Variants in PCDHGB3 observed in about 807,000 individuals in gnomAD.
PCDHGB3 encodes protocadherin gamma subfamily B, 3.
A neutral mutation model predicts 59.2 loss-of-function variants in PCDHGB3; 40 were observed. That is an observed-to-expected ratio of 0.68 (90% confidence interval 0.52 to 0.88). The LOEUF is 0.88. Ranked by LOEUF, PCDHGB3 falls within the 40% of genes least tolerant of loss-of-function variation. The pLI, the probability that PCDHGB3 is intolerant of heterozygous loss-of-function variation, is 0.00. For missense variants in PCDHGB3, 1,309 were observed against 1,187.9 expected, an observed-to-expected ratio of 1.10 and a Z score of -1.50; for synonymous variants, 581 against 503.6, an observed-to-expected ratio of 1.15 and a Z score of -2.06.
chr5:141,389,398 T>A, intron 1 of PCDHGB3: 1 of 1,613,654 alleles, frequency 6.2e-7, no homozygotes. Flanking sequence ...TACGTGTCCA[T>A]AAGCGCGGAG....
intron 1 of PCDHGB3, among the ~76,000 whole-genome samples, chr5:141,473,126 A>C (rs2154571574): frequency 6.6e-6 from 1 of 152,356 alleles, no homozygotes; most frequent in South Asian, 2.1e-4. Flanking sequence ...GCTCTTTGGC[A>C]AACTATATTA....
At chr5:141,414,310 G>A in intron 1 of PCDHGB3, 1 of 1,613,722 alleles carries the variant, frequency 6.2e-7, no homozygotes, top group South Asian at 1.1e-5. Context: ...GCATGATTTA[G>A]ACTCTGAGCA....
chr5:141,453,302 T>C (rs189741118), intron 1 of PCDHGB3, among the ~76,000 whole-genome samples: 18 of 152,008 alleles, frequency 1.2e-4, no homozygotes, highest in Middle Eastern at 6.8e-3. Flanking sequence ...TTTATTTATT[T>C]ATTTATTTAT....
At chr5:141,422,724 G>T (rs560544401) in intron 1 of PCDHGB3, 3 of 1,606,016 alleles carry the variant, frequency 1.9e-6, no homozygotes, top group Admixed American at 3.3e-5. Context: ...CTGTCCAGGG[G>T]GTGCCTCTGT....
intron 1 of PCDHGB3, chr5:141,375,626 T>C (rs1370159999): frequency 6.2e-7 from 1 of 1,614,202 alleles, no homozygotes; most frequent in South Asian, 1.1e-5. Context: ...TGGGATTCTG[T>C]ACGCCCTGCG....
chr5:141,462,388 C>T (rs529638718), intron 1 of PCDHGB3, among the ~76,000 whole-genome samples: 86 of 152,204 alleles, frequency 5.7e-4, no homozygotes, highest in Non-Finnish European at 9.4e-4. Context: ...AATTCGTTAA[C>T]ATTTCTTTTA....
chr5:141,491,450 C>G lies in PCDHGB3; in HGVS notation c.2416-3357C>G. ...CAGTGCTGCAGGCGCCAGGACTCAC[C>G]CTCCCCGGACTTCTATAAGCAGTCC... On this transcript the variant is annotated intron_variant, in intron 1 of 3. Transcript: ENST00000576222. The surrounding 1 kb of genome is among the most constrained non-coding windows in gnomAD (Gnocchi z 6.9). The G allele has an allele frequency of 1.2e-6, 2 of 1,614,110 alleles. No homozygotes were observed. Among genetic ancestry groups the G allele is most frequent in the Non-Finnish European group, 1.7e-6 (2 of 1,180,044 alleles).
intron 1 of PCDHGB3, chr5:141,441,144 T>C (rs141609485): frequency 6.6e-6 from 1 of 152,296 alleles, no homozygotes; most frequent in African/African-American, 2.4e-5. Context: ...TAGAAGATAA[T>C]GACAATATCC....
chr5:141,393,815 C>T (rs2092850609), intron 1 of PCDHGB3: 1 of 1,613,922 alleles, frequency 6.2e-7, no homozygotes, highest in Non-Finnish European at 8.5e-7. Context: ...CCAAATTGCT[C>T]ATTTCGGTGG....
At position 141,375,341 on chromosome 5, in the gene PCDHGB3, A is replaced by G; in HGVS notation, c.2415+2532A>G. ...CCGGGAAGAGGTATTCTTGTACAACATCACTGTGACAGCCACGGACAAAGG... is the reference window on the plus strand; with the variant it reads ...CCGGGAAGAGGTATTCTTGTACAACGTCACTGTGACAGCCACGGACAAAGG... On this transcript the variant is annotated intron_variant, in intron 1 of 3. Transcript: ENST00000576222. 3 of 1,613,856 alleles carry G rather than the reference A, an allele frequency of 1.9e-6. No homozygotes were observed. The highest frequency in any genetic ancestry group is 1.6e-4 in the Middle Eastern group (1 of 6,062).
At chr5:141,400,116 C>T in intron 1 of PCDHGB3, 2 of 1,614,086 alleles carry the variant, frequency 1.2e-6, no homozygotes, top group Non-Finnish European at 1.7e-6. Context: ...TTGCTGACAG[C>T]TTGCAGGAGG....
intron 1 of PCDHGB3, chr5:141,422,820 G>A (rs904706749): frequency 6.2e-6 from 10 of 1,614,178 alleles, no homozygotes; most frequent in Non-Finnish European, 7.6e-6. Flanking sequence ...ACTTAGAACT[G>A]AGAGTGATAG....
chr5:141,448,894 G>A (rs2098614669), intron 1 of PCDHGB3, among the ~76,000 whole-genome samples: 2 of 152,098 alleles, frequency 1.3e-5, no homozygotes, highest in South Asian at 4.1e-4. Context: ...GCAGTGAGCC[G>A]AGATCGTGCC....
At position 141,511,572 on chromosome 5, in the gene PCDHGB3, T is replaced by C. The variant is rs1366960269; in HGVS notation, c.*399T>C. The C allele has an allele frequency of 1.0e-5, 3 of 289,550 alleles. No homozygotes were observed. The East Asian group carries it at 2.4e-4, about 23-fold the overall frequency. 17.9% of individuals were successfully genotyped at this position (289,550 alleles called of 1,614,324 possible). ...AACAGTTCCTCTTTCCCGAGTAAGG[T>C]GGTTGGGGTGTTGAAGTACCAAGTA... On this transcript the variant is annotated 3_prime_UTR_variant, in exon 4 of 4. Coordinates refer to ENST00000576222, the MANE Select transcript of PCDHGB3 (RefSeq NM_018924.5).
chr5:141,486,823 A>G lies in PCDHGB3; in HGVS notation c.2416-7984A>G, dbSNP rs778308736. On this transcript the variant is annotated intron_variant, in intron 1 of 3. Coordinates refer to ENST00000576222, the MANE Select transcript of PCDHGB3 (RefSeq NM_018924.5). The surrounding 1 kb of genome is among the most constrained non-coding windows in gnomAD (Gnocchi z 5.0). Reference sequence around the variant, plus strand: ...ACCCACCCCTTAGCAGCACTGTAACAGTTCGTCTATTTGTGCTGGACCTCA... The same window carrying G: ...ACCCACCCCTTAGCAGCACTGTAACGGTTCGTCTATTTGTGCTGGACCTCA... 1.2e-6 allele frequency: 2 copies of G among 1,614,104 alleles called. No individual in the cohort carries two copies. Among genetic ancestry groups the G allele is most frequent in the Admixed American group, 1.7e-5 (1 of 60,008 alleles).
At chr5:141,405,186 G>T (rs762537440) in intron 1 of PCDHGB3, 2 of 1,612,892 alleles carry the variant, frequency 1.2e-6, no homozygotes, top group Non-Finnish European at 1.7e-6. Context: ...GGTGTAGATG[G>T]GGTTCGAGCT....
intron 1 of PCDHGB3, among the ~76,000 whole-genome samples, chr5:141,447,143 T>G (rs1484774611): frequency 2.6e-5 from 4 of 152,132 alleles, no homozygotes; most frequent in Admixed American, 6.6e-5. Flanking sequence ...TTGTTTTTTG[T>G]TTTTGTTTTT....
intron 3 of PCDHGB3, among the ~76,000 whole-genome samples, chr5:141,507,714 C>T (rs1425955843): frequency 6.6e-6 from 1 of 152,280 alleles, no homozygotes; most frequent in Non-Finnish European, 1.5e-5. Flanking sequence ...GCCCCAAACC[C>T]TCCAAGCAAG....
chr5:141,416,223 A>AT, intron 1 of PCDHGB3: 1 of 152,302 alleles, frequency 6.6e-6, no homozygotes, highest in East Asian at 1.9e-4. Flanking sequence ...GTATGCTTAG[A>AT]TTTTTCCAGC....
Sources: allele counts gnomAD v4.1 joint callset (sites outside exome capture counted in the v4.1 genomes callset), GRCh38; gene constraint gnomAD v4.1.1; non-coding constraint Gnocchi (gnomAD v3.1); transcripts MANE v1.5; gene names NCBI Gene and HGNC (gene_info 2026-07-23, HGNC 2026-07-21).